Variants in AOX1 observed in about 807,000 individuals in gnomAD.
AOX1 encodes the protein aldehyde oxidase 1.
In AOX1, 153 loss-of-function variants were observed where a neutral mutation model predicts 169.5. That is an observed-to-expected ratio of 0.90 (90% CI 0.79 to 1.03). AOX1 has a LOEUF of 1.03. AOX1 is among the 50% of genes least tolerant of loss of function. The pLI is 0.00. For synonymous variants in AOX1, 562 were observed against 581.9 expected, an observed-to-expected ratio of 0.97 and a Z score of 0.49; for missense variants, 1,656 against 1,663.9, an observed-to-expected ratio of 1.00 and a Z score of 0.08.
At chr2:200,596,770 T>C (rs541607683) in intron 3 of AOX1, among the ~76,000 whole-genome samples, 2 of 152,338 alleles carry the variant, frequency 1.3e-5, no homozygotes, top group East Asian at 3.9e-4. Flanking sequence ...AGTTTATTTA[T>C]TTATTAAGTT....
chr2:200,611,266 C>A, intron 12 of AOX1, 118 bp from the exon 13 acceptor site: 1 of 718,338 alleles, frequency 1.4e-6, no homozygotes, highest in Non-Finnish European at 2.5e-6. Flanking sequence ...ATAGGAAGAG[C>A]ACCTGTTTCC....
intron 15 of AOX1, among the ~76,000 whole-genome samples, 159 bp downstream of exon 15, chr2:200,614,125 TG>T (rs2034701087): frequency 6.6e-6 from 1 of 152,056 alleles, no homozygotes; most frequent in Non-Finnish European, 1.5e-5. Flanking sequence ...TGTCTGTGGG[TG>T]GGTATGAGTT....
rs1400054890 is a variant in AOX1 at position 200,641,169 on chromosome 2, G to T, written c.2640G>T (p.Leu880Phe). ...MEHYSNAGAS[L>F]DESLFVIEMG... Reference sequence around the variant, plus strand: ...ATTACAGCAATGCAGGCGCCTCCTTGGATGAATCATTATTCGTAAGTGTTT... The same window carrying T: ...ATTACAGCAATGCAGGCGCCTCCTTTGATGAATCATTATTCGTAAGTGTTT... The change falls in exon 24 of 35, where the codon TTG (leucine) becomes TTT (phenylalanine). Residue 880 changes from leucine to phenylalanine, a missense_variant. By Grantham distance (22) the Leu-to-Phe change is conservative (BLOSUM62 0). Transcript: ENST00000374700. 2 of 1,610,624 alleles carry T rather than the reference G, an allele frequency of 1.2e-6. No individual in the cohort carries two copies. Among genetic ancestry groups the T allele is most frequent in the Non-Finnish European group, 1.7e-6 (2 of 1,177,140 alleles).
chr2:200,598,114 A>G (rs1451484475), intron 4 of AOX1, among the ~76,000 whole-genome samples: 1 of 151,838 alleles, frequency 6.6e-6, no homozygotes, highest in African/African-American at 2.4e-5. Flanking sequence ...TGTAAGAAAG[A>G]GAAGGAGAAA....
In AOX1 at chr2:200,659,052, C is replaced by G. The variant is rs2035752201; in HGVS notation, c.3172-113C>G. 4.9e-6 allele frequency: 5 copies of G among 1,010,138 alleles called. No homozygotes were observed. In the South Asian group the frequency reaches 9.4e-5, roughly 19 times the overall value. The allele number at this position is 1,010,138 out of a possible 1,614,324, so 62.6% of individuals were successfully genotyped here. On this transcript the variant is annotated intron_variant, in intron 27 of 34. Transcript: ENST00000374700. Reference sequence around the variant, plus strand: ...GGCTGGAGGAATTTGTGGTTCTGCTCCCTTGTCCCTGTCATGGGTATGAGG... The same window carrying G: ...GGCTGGAGGAATTTGTGGTTCTGCTGCCTTGTCCCTGTCATGGGTATGAGG...
Position 200,642,802 on chromosome 2 carries a change from G to T in AOX1, c.2847+1G>T. 3.1e-6 allele frequency: 5 copies of T among 1,610,578 alleles called. No homozygotes were observed. Among genetic ancestry groups the T allele is most frequent in the Non-Finnish European group, 4.2e-6 (5 of 1,177,980 alleles). ...CAAATGTGGACTATCCCCTGAGAAG[G>T]TAATACTAAATCAGCTTCACAGACA... On this transcript the variant is annotated splice_donor_variant, in intron 25 of 34. Coordinates refer to ENST00000374700, the MANE Select transcript of AOX1 (RefSeq NM_001159.4). LOFTEE classifies it high-confidence loss of function.
chr2:200,656,313 T>TA (rs11397147), intron 26 of AOX1, among the ~76,000 whole-genome samples: 92,706 of 152,036 alleles, frequency 0.61, 28,975 homozygotes, highest in Non-Finnish European at 0.68. Flanking sequence ...TTGTTAATTA[T>TA]AAAAACATGT....
chr2:200,648,832 G>A (rs55874632), intron 25 of AOX1, among the ~76,000 whole-genome samples: 10 of 152,164 alleles, frequency 6.6e-5, no homozygotes, highest in East Asian at 1.9e-4. Context: ...GATTATGGCT[G>A]CCTCTGCTGA....
intron 22 of AOX1, 47 bp downstream of exon 22, chr2:200,637,091 G>C: frequency 1.9e-6 from 3 of 1,607,934 alleles, no homozygotes; most frequent in Non-Finnish European, 2.6e-6. Context: ...CACACTGAAA[G>C]TTCTCACTGT....
intron 29 of AOX1, 135 bp from the exon 30 acceptor site, chr2:200,661,444 G>A (rs1156801265): frequency 1.4e-6 from 1 of 700,786 alleles, no homozygotes; most frequent in Non-Finnish European, 2.5e-6. Context: ...CAAAAGGAAT[G>A]GATTAATCTG....
chr2:200,676,140 C>A (rs1052041136), downstream of AOX1, among the ~76,000 whole-genome samples: 1 of 151,676 alleles, frequency 6.6e-6, no homozygotes, highest in African/African-American at 2.4e-5. Context: ...GCTTTATATA[C>A]TTTTATGTTT....
At chr2:200,635,132 A>G (rs541618444) in intron 21 of AOX1, among the ~76,000 whole-genome samples, 7 of 152,304 alleles carry the variant, frequency 4.6e-5, no homozygotes, top group African/African-American at 1.2e-4. Flanking sequence ...CAAACAAAAC[A>G]AAACCAATAA....
At chr2:200,594,359 G>A (rs2034235527) in intron 2 of AOX1, among the ~76,000 whole-genome samples, 1 of 152,152 alleles carries the variant, frequency 6.6e-6, no homozygotes, top group South Asian at 2.1e-4. Context: ...AGGGTCCCTT[G>A]GTCAGTTACC....
intron 16 of AOX1, among the ~76,000 whole-genome samples, chr2:200,616,991 C>T (rs200354564): frequency 3.1e-4 from 47 of 152,238 alleles, no homozygotes; most frequent in Non-Finnish European, 5.6e-4. Flanking sequence ...AAAACAGCTG[C>T]CATCTCCCCG....
At chr2:200,623,598 T>G (rs2034934009) in intron 18 of AOX1, among the ~76,000 whole-genome samples, 1 of 152,242 alleles carries the variant, frequency 6.6e-6, no homozygotes. Context: ...CTCATAGGCT[T>G]GGCCTGGAGC....
downstream of AOX1, among the ~76,000 whole-genome samples, chr2:200,680,631 C>T (rs111937377): frequency 0.069 from 10,522 of 152,184 alleles, 428 homozygotes; most frequent in Admixed American, 0.11. Context: ...CTGCAACCTC[C>T]GCCTCCCAGG....
chr2:200,616,788 T>C (rs1443013374), intron 16 of AOX1, among the ~76,000 whole-genome samples: 2 of 152,234 alleles, frequency 1.3e-5, no homozygotes, highest in East Asian at 1.9e-4. Flanking sequence ...TCGAGAGTTT[T>C]AGTAAGTCAA....
chr2:200,616,199 A>G, intron 16 of AOX1, 136 bp downstream of exon 16: 1 of 628,910 alleles, frequency 1.6e-6, no homozygotes. Context: ...CAGCCTCTTT[A>G]TGGGTAACTA....
intron 10 of AOX1, among the ~76,000 whole-genome samples, chr2:200,606,060 A>G (rs2105701607): frequency 6.6e-6 from 1 of 152,290 alleles, no homozygotes; most frequent in Non-Finnish European, 1.5e-5. Context: ...GTCTTTGCCC[A>G]TGCCTATGTC....
Sources: allele counts gnomAD v4.1 joint callset (sites outside exome capture counted in the v4.1 genomes callset), GRCh38; gene constraint gnomAD v4.1.1; transcripts MANE v1.5; gene names NCBI Gene and HGNC (gene_info 2026-07-23, HGNC 2026-07-21).